ABLIM3: variants seen among roughly 807,000 people sequenced by gnomAD.
ABLIM3 encodes actin-binding LIM protein 3.
A neutral mutation model predicts 109.5 loss-of-function variants in ABLIM3; 61 were observed. That is an observed-to-expected ratio of 0.56 (90% CI 0.45 to 0.69). The LOEUF is 0.69. Ranked by LOEUF, ABLIM3 falls within the 30% of genes least tolerant of loss-of-function variation. The pLI, the probability that ABLIM3 is intolerant of heterozygous loss-of-function variation, is 0.00. For synonymous variants in ABLIM3, 300 were observed against 324.8 expected (o/e 0.92, Z 0.82); for missense variants, 796 against 889.5 (o/e 0.89, Z 1.34).
intron 2 of ABLIM3, among the ~76,000 whole-genome samples, chr5:149,153,424 A>C (rs1418116231): frequency 6.6e-6 from 1 of 152,182 alleles, no homozygotes; most frequent in Non-Finnish European, 1.5e-5. Flanking sequence ...CTCCTACACC[A>C]GGCATGGCAG....
chr5:149,161,892 G>GTGTGTGTGTGTGTATGTGTA (rs750021702), intron 2 of ABLIM3, among the ~76,000 whole-genome samples: 1 of 148,790 alleles, frequency 6.7e-6, no homozygotes, highest in Non-Finnish European at 1.5e-5. Flanking sequence ...TGCGTGGGCT[G>GTGTGTGTGTGTGTATGTGTA]TGTGTGTGTG....
At chr5:149,185,547 C>T (rs12153201) in intron 3 of ABLIM3, among the ~76,000 whole-genome samples, 2,536 of 152,198 alleles carry the variant, frequency 0.017, 28 homozygotes, top group Middle Eastern at 0.02. Context: ...TAATACAGAA[C>T]GGAATAATTT....
At chr5:149,240,357 AG>A in intron 13 of ABLIM3, 1 of 423,204 alleles carries the variant, frequency 2.4e-6, no homozygotes, top group Non-Finnish European at 4.3e-6. Context: ...AGCGTCCAAA[AG>A]GGGGAGGTTC....
chr5:149,142,081 T>C lies in ABLIM3; in HGVS notation c.-15T>C, dbSNP rs777135830. On this transcript the variant is annotated 5_prime_UTR_variant, in exon 2 of 24. Transcript: ENST00000309868. ...CCTCCGTATTGAATGAAAGACCCAG[T>C]GCAAAGACATCACCATGAACACTAG... 6.2e-7 allele frequency: 1 copy of C among 1,610,986 alleles called. No homozygotes were observed. The highest frequency in any genetic ancestry group is 1.1e-5 in the South Asian group (1 of 91,018).
At chr5:149,200,539 C>T in intron 5 of ABLIM3, 111 bp downstream of exon 5, 1 of 1,117,758 alleles carries the variant, frequency 8.9e-7, no homozygotes, top group East Asian at 2.6e-5. Context: ...GGGAGAGGTT[C>T]CCAACCTGGA....
rs779636497 is a variant in ABLIM3 at position 149,233,316 on chromosome 5, C to G, written c.888+16C>G. Reference sequence around the variant, plus strand: ...AGTCATCTGCGTATGTATCACTTTTCTACCACCAAAGGGCCTTCTTTATTC... The same window carrying G: ...AGTCATCTGCGTATGTATCACTTTTGTACCACCAAAGGGCCTTCTTTATTC... On this transcript the variant is annotated intron_variant, in intron 10 of 23. Coordinates refer to ENST00000309868, the MANE Select transcript of ABLIM3 (RefSeq NM_014945.5). 1 of 1,613,150 alleles carries G rather than the reference C, an allele frequency of 6.2e-7. No individual in the cohort carries two copies. The highest frequency in any genetic ancestry group is 8.5e-7 in the Non-Finnish European group (1 of 1,179,114).
intron 2 of ABLIM3, among the ~76,000 whole-genome samples, chr5:149,165,366 T>C (rs934170269): frequency 2.0e-5 from 3 of 152,260 alleles, no homozygotes; most frequent in African/African-American, 7.2e-5. Flanking sequence ...TTTTTGGGAA[T>C]ACATTTATGC....
At chr5:149,205,715 A>G (rs1394289180) in intron 5 of ABLIM3, among the ~76,000 whole-genome samples, 2 of 152,196 alleles carry the variant, frequency 1.3e-5, no homozygotes, top group African/African-American at 4.8e-5. Context: ...CCCCATCTGA[A>G]GGCCTGGGGC....
intron 2 of ABLIM3, among the ~76,000 whole-genome samples, chr5:149,142,975 A>G (rs1294364271): frequency 6.6e-6 from 1 of 152,034 alleles, no homozygotes; most frequent in Non-Finnish European, 1.5e-5. Context: ...GAGAACCCCT[A>G]TGAACAGTCA....
At chr5:149,178,335 A>G (rs1033296153) in intron 2 of ABLIM3, among the ~76,000 whole-genome samples, 1 of 152,008 alleles carries the variant, frequency 6.6e-6, no homozygotes, top group African/African-American at 2.4e-5. Flanking sequence ...TGCACCCTGC[A>G]TGGTTATGTG....
At chr5:149,142,193 A>G (rs1580962146) in intron 2 of ABLIM3, 85 bp downstream of exon 2, 1 of 1,585,000 alleles carries the variant, frequency 6.3e-7, no homozygotes, top group East Asian at 2.2e-5. Flanking sequence ...GCCTGGAAAG[A>G]GGAAGGAAGC....
intron 8 of ABLIM3, chr5:149,220,936 C>T (rs1300274795): frequency 6.6e-6 from 1 of 152,232 alleles, no homozygotes; most frequent in African/African-American, 2.4e-5. Flanking sequence ...GTGGAGTTCA[C>T]TCTCTGGAAA....
At chr5:149,141,935 G>GC in intron 1 of ABLIM3, 74 bp from the exon 2 acceptor site, 4 of 1,042,406 alleles carry the variant, frequency 3.8e-6, no homozygotes, top group Non-Finnish European at 4.4e-6. Context: ...AGCCCAGACA[G>GC]AGAGGGGACA....
rs907457690 is a variant in ABLIM3, at chr5:149,159,656, G to T, written c.13+17548G>T. Among the ~76,000 whole-genome samples, 3 of 152,052 alleles carry T rather than the reference G, an allele frequency of 2.0e-5. 1 individual carries two copies. In the South Asian group the frequency reaches 6.2e-4, roughly 32 times the overall value. On this transcript the variant is annotated intron_variant, in intron 2 of 23. Transcript: ENST00000309868. ...TCCTGCTAACTCTGTGACCTCTGAG[G>T]CCAGTATCCTTATCAGTTCTATGGC...
intron 6 of ABLIM3, among the ~76,000 whole-genome samples, chr5:149,209,305 A>G (rs1357376869): frequency 6.6e-6 from 1 of 152,198 alleles, no homozygotes; most frequent in Non-Finnish European, 1.5e-5. Flanking sequence ...TGGGCCCCTT[A>G]CCTGGCTGCT....
chr5:149,211,475 G>T (rs1385992902), intron 7 of ABLIM3, among the ~76,000 whole-genome samples: 1 of 152,132 alleles, frequency 6.6e-6, no homozygotes, highest in Non-Finnish European at 1.5e-5. Context: ...AACAGGGAAG[G>T]GCTCAGTGGA....
chr5:149,199,195 C>T (rs1758271816), intron 4 of ABLIM3: 29 of 450,780 alleles, frequency 6.4e-5, no homozygotes, highest in South Asian at 4.4e-4. Context: ...TCAGCCCTAC[C>T]CACAAATACA....
intron 3 of ABLIM3, among the ~76,000 whole-genome samples, chr5:149,185,193 G>A (rs1756844318): frequency 6.6e-6 from 1 of 152,124 alleles, no homozygotes; most frequent in South Asian, 2.1e-4. Flanking sequence ...GGTTGGCTGG[G>A]AAGTGTTTCC....
chr5:149,143,847 G>A (rs1752700139), intron 2 of ABLIM3, among the ~76,000 whole-genome samples: 1 of 152,134 alleles, frequency 6.6e-6, no homozygotes, highest in Non-Finnish European at 1.5e-5. Flanking sequence ...GATGTGAGTT[G>A]CCTGTCACTT....
Sources: allele counts gnomAD v4.1 joint callset (sites outside exome capture counted in the v4.1 genomes callset), GRCh38; gene constraint gnomAD v4.1.1; transcripts MANE v1.5; gene names NCBI Gene and HGNC (gene_info 2026-07-23, HGNC 2026-07-21).